The following ANKRD31 variants were observed in gnomAD, a reference collection of about 807,000 sequenced individuals.
ANKRD31 encodes the protein ankyrin repeat domain-containing protein 31.
Under a neutral mutation model 186.0 loss-of-function variants are expected in ANKRD31, and 147 were observed. The observed-to-expected ratio is 0.79, with a 90% CI of 0.69 to 0.91. ANKRD31 has a LOEUF of 0.91. ANKRD31 is among the 40% of genes least tolerant of loss of function. ANKRD31 has a pLI of 0.00. For synonymous variants in ANKRD31, 673 were observed against 736.4 expected, an observed-to-expected ratio of 0.91 and a Z score of 1.39; for missense variants, 1,986 against 2,148.8, an observed-to-expected ratio of 0.92 and a Z score of 1.50.
chr5:75,090,925 C>T (rs1745877231), intron 23 of ANKRD31, among the ~76,000 whole-genome samples: 1 of 152,162 alleles, frequency 6.6e-6, no homozygotes, highest in African/African-American at 2.4e-5. Flanking sequence ...TCCAAATTTT[C>T]CATACAAAGA....
chr5:75,193,442 T>C lies in ANKRD31; in HGVS notation c.1167A>G (p.Arg389=). 2.0e-6 allele frequency: 3 copies of C among 1,537,358 alleles called. No individual in the cohort carries two copies. Among genetic ancestry groups the C allele is most frequent in the Non-Finnish European group, 2.6e-6 (3 of 1,146,812 alleles). Reference sequence around the variant, plus strand: ...CTCTGCTTACTTTCAGTTTTTCTAGTCTGGATGATCTCCTCAACACACACG... The same window carrying C: ...CTCTGCTTACTTTCAGTTTTTCTAGCCTGGATGATCTCCTCAACACACACG... The part of the protein sequence containing the change: ...ETACVLRRSS[R]LEKLKVSRDA... The change falls in exon 8 of 26, where the codon AGA becomes AGG. Residue 389 remains arginine (R), a synonymous_variant. Coordinates refer to ENST00000506364, the MANE Select transcript of ANKRD31 (RefSeq NM_001372053.1).
intron 2 of ANKRD31, among the ~76,000 whole-genome samples, chr5:75,224,129 T>TTATTTATATATATA (rs1757468518): frequency 1.1e-4 from 12 of 105,772 alleles, no homozygotes; most frequent in Non-Finnish European, 1.7e-4. Flanking sequence ...TCAGAAATAA[T>TTATTTATATATATA]TATATATATA....
intron 15 of ANKRD31, among the ~76,000 whole-genome samples, chr5:75,139,998 G>A (rs1018081128): frequency 6.6e-6 from 1 of 151,982 alleles, no homozygotes; most frequent in African/African-American, 2.4e-5. Flanking sequence ...AACTGCATCA[G>A]GGCCAGGCAC....
At chr5:75,193,200 A>G in intron 8 of ANKRD31, 111 bp downstream of exon 8, 6 of 1,227,782 alleles carry the variant, frequency 4.9e-6, no homozygotes, top group Non-Finnish European at 6.6e-6. Flanking sequence ...TATAAAAAAT[A>G]AAGCTCTTTC....
chr5:75,122,075 T>G (rs776486384), intron 17 of ANKRD31, among the ~76,000 whole-genome samples: 1 of 151,972 alleles, frequency 6.6e-6, no homozygotes, highest in Non-Finnish European at 1.5e-5. Context: ...CTATCTAGAC[T>G]AACCAAGAAG....
At chr5:75,227,500 C>T (rs1757700106) in intron 2 of ANKRD31, among the ~76,000 whole-genome samples, 1 of 151,842 alleles carries the variant, frequency 6.6e-6, no homozygotes, top group Non-Finnish European at 1.5e-5. Context: ...ATTATCATGC[C>T]TAAATATCTC....
intron 23 of ANKRD31, 63 bp from the exon 24 acceptor site, chr5:75,084,437 G>A (rs1745327740): frequency 1.7e-6 from 2 of 1,165,216 alleles, no homozygotes. Flanking sequence ...ATACACCTAT[G>A]TCCTGAACAT....
chr5:75,154,172 A>G, intron 12 of ANKRD31, 29 bp downstream of exon 12: 2 of 1,414,052 alleles, frequency 1.4e-6, no homozygotes, highest in Non-Finnish European at 1.8e-6. Context: ...GATGTGACAA[A>G]TAGCTATTAC....
rs566152207 is a variant in ANKRD31 at position 75,118,000 on chromosome 5, A to G, written c.4039+135T>C. 7.6e-6 allele frequency: 5 copies of G among 656,724 alleles called. No individual in the cohort carries two copies. The East Asian group carries it at 1.7e-4, about 23-fold the overall frequency. 40.7% of individuals were successfully genotyped at this position (656,724 alleles called of 1,614,324 possible). A position where few individuals can be genotyped will look rare whatever the true frequency, so the allele number is the denominator to read the frequency against. On this transcript the variant is annotated intron_variant, in intron 18 of 25. Transcript: ENST00000506364. ...TAAATGCCAATTTCTAAAAATAAAT[A>G]ATGGCTTTTGAAGAGTTTAATAAAC...
At chr5:75,160,103 G>T (rs951977457) in intron 11 of ANKRD31, among the ~76,000 whole-genome samples, 1 of 151,924 alleles carries the variant, frequency 6.6e-6, no homozygotes, top group Non-Finnish European at 1.5e-5. Flanking sequence ...TCTTATCTCA[G>T]CTTCTTTAAG....
intron 17 of ANKRD31, among the ~76,000 whole-genome samples, chr5:75,136,608 A>G (rs1750598894): frequency 6.6e-6 from 1 of 152,246 alleles, no homozygotes; most frequent in African/African-American, 2.4e-5. Flanking sequence ...CAGTGTGGCG[A>G]TTCCTCAAGG....
In ANKRD31 at chr5:75,120,868, A is replaced by T. The variant is rs1748708604; in HGVS notation, c.3877-2571T>A. ...ACCAACTATATGCTGCCCACAAGAA[A>T]CTCACTTTACTGGTAAAGACACATA... is the stretch of plus-strand genomic sequence containing the variant. On this transcript the variant is annotated intron_variant, in intron 17 of 25. Coordinates refer to ENST00000506364, the MANE Select transcript of ANKRD31 (RefSeq NM_001372053.1). Among the ~76,000 whole-genome samples the T allele has an allele frequency of 2.0e-5, 3 of 152,090 alleles. No homozygotes were observed. The South Asian group carries it at 6.2e-4, about 32-fold the overall frequency.
intron 2 of ANKRD31, among the ~76,000 whole-genome samples, chr5:75,228,874 T>C (rs1417689990): frequency 6.6e-6 from 1 of 152,194 alleles, no homozygotes; most frequent in East Asian, 1.9e-4. Context: ...TTACACACTG[T>C]CCCTTCCAAT....
chr5:75,224,231 C>G (rs936052858), intron 2 of ANKRD31, among the ~76,000 whole-genome samples: 19 of 147,204 alleles, frequency 1.3e-4, no homozygotes, highest in Non-Finnish European at 2.5e-4. Flanking sequence ...CAGAGAAAAT[C>G]CCACTAACAA....
Position 75,160,159 on chromosome 5 carries a change from T to C in ANKRD31, c.1708-5814A>G, listed in dbSNP as rs1053823457. On this transcript the variant is annotated intron_variant, in intron 11 of 25. Coordinates refer to ENST00000506364, the MANE Select transcript of ANKRD31 (RefSeq NM_001372053.1). ...TAATATTTGTAACAATATATTGTATTTATAAAATATACAAACATAATATGT... is the reference window on the plus strand; with the variant it reads ...TAATATTTGTAACAATATATTGTATCTATAAAATATACAAACATAATATGT... Among the ~76,000 whole-genome samples the C allele has an allele frequency of 2.6e-5, 4 of 152,060 alleles. No individual in the cohort carries two copies. The East Asian group carries it at 7.7e-4, about 29-fold the overall frequency.
chr5:75,102,859 T>A (rs911630052), intron 22 of ANKRD31, among the ~76,000 whole-genome samples: 4 of 152,116 alleles, frequency 2.6e-5, no homozygotes, highest in Admixed American at 6.5e-5. Context: ...GAAAGGGAAT[T>A]CCCGGACCCC....
chr5:75,137,381 G>A (rs374545223), intron 17 of ANKRD31, among the ~76,000 whole-genome samples: 2 of 152,126 alleles, frequency 1.3e-5, no homozygotes, highest in East Asian at 1.9e-4. Context: ...ATCTTTTCTT[G>A]TGATATTTTT....
Position 75,116,631 on chromosome 5 carries a change from C to T in ANKRD31, c.4090G>A (p.Asp1364Asn), listed in dbSNP as rs1163231859. Residue 1364 changes from aspartate (D) to asparagine (N), a missense_variant, in exon 19 of 26, where the codon GAT becomes AAT. By Grantham distance (23) the Asp-to-Asn change is conservative (BLOSUM62 1). Transcript: ENST00000506364. ...SKRHKQCFCDDGKTIDSSSLS... is the reference protein window; with the variant it reads ...SKRHKQCFCDNGKTIDSSSLS... The stretch of plus-strand genomic sequence containing the variant: ...GAAGATGAGTCAATAGTTTTGCCAT[C>T]ATCACAAAAACACTGTTTATGTCTT... 6.8e-7 allele frequency: 1 copy of T among 1,463,102 alleles called. No individual in the cohort carries two copies. The highest frequency in any genetic ancestry group is 9.1e-7 in the Non-Finnish European group (1 of 1,101,480). The allele number at this position is 1,463,102 out of a possible 1,614,324, so 90.6% of individuals were successfully genotyped here.
Position 75,187,110 on chromosome 5 carries a change from TTGTG to T in ANKRD31, c.1564+1379_1564+1382del, listed in dbSNP as rs57013241. On this transcript the variant is annotated intron_variant, in intron 10 of 25. Coordinates refer to ENST00000506364, the MANE Select transcript of ANKRD31 (RefSeq NM_001372053.1). ...AACAAACATTGCCGGTGATTCTGTT[TTGTG>T]TGTGTGTGTGTGTGTGTGTGTGTGT... Among the ~76,000 whole-genome samples, 1,110 of 116,202 alleles carry T rather than the reference TTGTG, an allele frequency of 9.6e-3. 8 individuals are homozygous for T. The highest frequency in any genetic ancestry group is 0.031 in the Middle Eastern group (6 of 196). The allele number at this position is 116,202 out of a possible 152,430, so 76.2% of individuals were successfully genotyped here.
Sources: gnomAD v4.1 joint callset for allele counts (sites outside exome capture counted in the v4.1 genomes callset) on GRCh38, gnomAD v4.1.1 for gene constraint, MANE v1.5 for transcripts, NCBI Gene and HGNC (gene_info 2026-07-23, HGNC 2026-07-21) for gene names.